Variants in SYNJ1 observed in about 807,000 individuals in gnomAD.
SYNJ1 encodes polyphosphatidylinositol phosphatase SYNJ1.
In SYNJ1, 78 loss-of-function variants were observed where a neutral mutation model predicts 168.2. The observed-to-expected ratio is 0.46, with a 90% CI of 0.39 to 0.56. SYNJ1 has a LOEUF of 0.56. SYNJ1 is among the 20% of genes least tolerant of loss of function. The pLI is 0.00. For missense variants in SYNJ1, 1,303 were observed against 1,597.6 expected (o/e 0.82, Z 3.14); for synonymous variants, 539 against 548.6 (o/e 0.98, Z 0.24).
intron 2 of SYNJ1, 135 bp from the exon 3 acceptor site, chr21:32,702,182 A>G (rs2042429016): frequency 8.9e-6 from 5 of 562,078 alleles, no homozygotes; most frequent in Non-Finnish European, 1.5e-5. Flanking sequence ...ATATTTTCTT[A>G]AACTAGTAAC....
intron 31 of SYNJ1, among the ~76,000 whole-genome samples, chr21:32,636,772 C>G (rs959102914): frequency 4.6e-5 from 7 of 152,028 alleles, no homozygotes; most frequent in African/African-American, 1.7e-4. Flanking sequence ...CAATGACACT[C>G]TGCATGTAAA....
chr21:32,637,299 GA>G (rs1215454700), intron 31 of SYNJ1, among the ~76,000 whole-genome samples: 1 of 140,286 alleles, frequency 7.1e-6, no homozygotes, highest in Non-Finnish European at 1.5e-5. Context: ...AAGAAAATAA[GA>G]AAAATTCACG....
intron 18 of SYNJ1, among the ~76,000 whole-genome samples, chr21:32,658,180 G>A (rs963959604): frequency 1.3e-5 from 2 of 152,126 alleles, no homozygotes; most frequent in African/African-American, 4.8e-5. Context: ...TTATATCCCT[G>A]TTTTCTCGCT....
Position 32,638,953 on chromosome 21 carries a change from G to A in SYNJ1, c.3870C>T (p.Ser1290=). The change falls in exon 31 of 33, where the codon AGC becomes AGT. Residue 1290 remains serine (S), a synonymous_variant. Coordinates refer to ENST00000674351, the MANE Select transcript of SYNJ1 (RefSeq NM_203446.3). ...CTGAAGGCAAGCTATGGGATGACCT[G>A]CTTCGAGGTGGTGGTTGTGGTGGGG... ...LETPPQPPPR[S]RSSHSLPSEA... The A allele has an allele frequency of 6.2e-7, 1 of 1,613,894 alleles. No individual in the cohort carries two copies. The highest frequency in any genetic ancestry group is 8.5e-7 in the Non-Finnish European group (1 of 1,179,828).
chr21:32,727,029 G>A, intron 1 of SYNJ1, 112 bp from the exon 2 acceptor site: 1 of 1,419,988 alleles, frequency 7.0e-7, no homozygotes, highest in Middle Eastern at 2.5e-4. Context: ...GGGTTGGGGT[G>A]GGAAAAAACA....
chr21:32,699,752 C>T, intron 4 of SYNJ1, 86 bp downstream of exon 4: 2 of 1,486,230 alleles, frequency 1.3e-6, no homozygotes, highest in South Asian at 2.7e-5. Context: ...TCCTTTCTTG[C>T]TGTCACGGTG....
At chr21:32,645,050 T>C in intron 25 of SYNJ1, 44 bp from the exon 26 acceptor site, 1 of 1,577,344 alleles carries the variant, frequency 6.3e-7, no homozygotes, top group Non-Finnish European at 8.6e-7. Context: ...GAAATGACAT[T>C]AAATACAGAA....
chr21:32,674,120 A>G (rs1158505291), intron 13 of SYNJ1, among the ~76,000 whole-genome samples: 1 of 152,194 alleles, frequency 6.6e-6, no homozygotes, highest in Non-Finnish European at 1.5e-5. Context: ...TGCTTAAACA[A>G]TGGTCCACAA....
chr21:32,668,046 T>TGC (rs1463550013), intron 15 of SYNJ1, among the ~76,000 whole-genome samples: 2 of 141,670 alleles, frequency 1.4e-5, no homozygotes, highest in South Asian at 2.3e-4. Flanking sequence ...TGTGTGTGTG[T>TGC]GTGCATGTGT....
Position 32,726,806 on chromosome 21 carries a change from A to G in SYNJ1, c.90T>C (p.Cys30=). ...LIVETRHKEE[C]LMFESGAVAV... ...CGACAGCCCCAGACTCGAACATGAG[A>G]CATTCTTCCTTATGCCTAGTTTCCA... Residue 30 remains cysteine, a synonymous_variant, in exon 2 of 33, where the codon TGT becomes TGC. Transcript: ENST00000674351. The G allele has an allele frequency of 1.9e-6, 3 of 1,614,196 alleles. No individual in the cohort carries two copies. The highest frequency in any genetic ancestry group is 2.5e-6 in the Non-Finnish European group (3 of 1,180,036).
At chr21:32,682,913 TTTC>T (rs777101934) in intron 10 of SYNJ1, among the ~76,000 whole-genome samples, 2 of 152,152 alleles carry the variant, frequency 1.3e-5, no homozygotes, top group Non-Finnish European at 2.9e-5. Context: ...TTGCTTTCAT[TTTC>T]TTGTTTCTGT....
At chr21:32,657,970 G>A (rs1601313708) in intron 18 of SYNJ1, 98 bp from the exon 19 acceptor site, 1 of 912,016 alleles carries the variant, frequency 1.1e-6, no homozygotes. Flanking sequence ...CATGCTGGAT[G>A]CTCTCAGAAG....
At chr21:32,634,550 T>A (rs1302840877) in intron 32 of SYNJ1, among the ~76,000 whole-genome samples, 2 of 152,286 alleles carry the variant, frequency 1.3e-5, no homozygotes, top group East Asian at 1.9e-4. Context: ...CAAGAACCGA[T>A]CTGGTTTTGC....
chr21:32,675,123 T>C (rs1469201458), intron 13 of SYNJ1, among the ~76,000 whole-genome samples: 2 of 152,218 alleles, frequency 1.3e-5, no homozygotes, highest in Non-Finnish European at 2.9e-5. Flanking sequence ...TGGTTTATCA[T>C]TGCTCTTAAA....
intron 32 of SYNJ1, among the ~76,000 whole-genome samples, chr21:32,633,562 A>T (rs1790173222): frequency 6.6e-6 from 1 of 152,230 alleles, no homozygotes; most frequent in Non-Finnish European, 1.5e-5. Context: ...CAAGACTGGC[A>T]ATGTAATAAA....
chr21:32,714,798 C>T (rs2042963191), intron 2 of SYNJ1, among the ~76,000 whole-genome samples: 1 of 152,194 alleles, frequency 6.6e-6, no homozygotes. Context: ...TGCCAATGAT[C>T]TACCTGATGC....
At chr21:32,695,390 C>T in intron 4 of SYNJ1, 108 bp from the exon 5 acceptor site, 2 of 1,057,290 alleles carry the variant, frequency 1.9e-6, no homozygotes, top group South Asian at 1.7e-5. Context: ...AATTTAAAGG[C>T]ACAAACAACA....
intron 1 of SYNJ1, among the ~76,000 whole-genome samples, chr21:32,727,537 G>A (rs1194737327): frequency 6.6e-6 from 1 of 152,114 alleles, no homozygotes; most frequent in East Asian, 1.9e-4. Flanking sequence ...ATGGCCACCC[G>A]GGAAGAGTCA....
chr21:32,727,538 G>A (rs1338337523), intron 1 of SYNJ1, among the ~76,000 whole-genome samples: 1 of 152,172 alleles, frequency 6.6e-6, no homozygotes, highest in African/African-American at 2.4e-5. Context: ...TGGCCACCCG[G>A]GAAGAGTCAC....
Sources: allele counts gnomAD v4.1 joint callset (sites outside exome capture counted in the v4.1 genomes callset), GRCh38; gene constraint gnomAD v4.1.1; transcripts MANE v1.5; gene names NCBI Gene and HGNC (gene_info 2026-07-23, HGNC 2026-07-21).